PTPN9: variants seen among roughly 807,000 people sequenced by gnomAD.
The protein encoded by PTPN9 is tyrosine-protein phosphatase non-receptor type 9.
A neutral mutation model predicts 69.8 loss-of-function variants in PTPN9; 26 were observed. That is an observed-to-expected ratio of 0.37 (90% CI 0.27 to 0.52). The LOEUF is 0.52. Ranked by LOEUF, PTPN9 falls within the 20% of genes least tolerant of loss-of-function variation. The pLI is 0.91. For missense variants in PTPN9, 549 were observed against 740.3 expected (o/e 0.74, Z 3.00); for synonymous variants, 274 against 272.5 (o/e 1.01, Z -0.05).
intron 1 of PTPN9, among the ~76,000 whole-genome samples, chr15:75,575,535 C>A (rs1304493261): frequency 6.6e-6 from 1 of 152,148 alleles, no homozygotes; most frequent in Non-Finnish European, 1.5e-5. Context: ...GGCAGCATTA[C>A]GGAGTGAATG....
intron 7 of PTPN9, among the ~76,000 whole-genome samples, chr15:75,497,802 C>CA (rs879944894): frequency 0.029 from 2,083 of 72,126 alleles, 25 homozygotes; most frequent in African/African-American, 0.063. Flanking sequence ...AACTCTGTCT[C>CA]AAAAAAAAAA....
chr15:75,492,146 T>C (rs1350233039), intron 7 of PTPN9, among the ~76,000 whole-genome samples: 1 of 152,190 alleles, frequency 6.6e-6, no homozygotes, highest in Non-Finnish European at 1.5e-5. Flanking sequence ...GTGCTGGGAT[T>C]ATAGGTGTGA....
intron 1 of PTPN9, among the ~76,000 whole-genome samples, chr15:75,571,363 A>G (rs1489102487): frequency 6.6e-6 from 1 of 152,224 alleles, no homozygotes; most frequent in Non-Finnish European, 1.5e-5. Context: ...GCATCTCCTT[A>G]TTAATCCTCA....
Position 75,470,800 on chromosome 15 carries a change from G to A in PTPN9, c.1239C>T (p.Gly413=). The change falls in exon 11 of 13, where the codon GGC becomes GGT. Residue 413 remains glycine (G), a synonymous_variant. Transcript: ENST00000618819. ...RFEEGGRRKC[G]QYWPLEKDSR... is the part of the protein sequence containing the mutation. ...AGTCTTTTTCTAAAGGCCAGTACTG[G>A]CCACACTTTCTCCTGCCGCCTTCCT... The A allele has an allele frequency of 6.2e-7, 1 of 1,614,144 alleles. No homozygotes were observed. Among genetic ancestry groups the A allele is most frequent in the Non-Finnish European group, 8.5e-7 (1 of 1,180,014 alleles).
chr15:75,565,282 A>G (rs184030060), intron 1 of PTPN9, among the ~76,000 whole-genome samples: 404 of 152,244 alleles, frequency 2.7e-3, no homozygotes, highest in African/African-American at 9.3e-3. Context: ...CAGTATGAGA[A>G]GTCAATTGCT....
intron 1 of PTPN9, among the ~76,000 whole-genome samples, chr15:75,577,813 C>T (rs1204629548): frequency 6.6e-6 from 1 of 151,992 alleles, no homozygotes; most frequent in African/African-American, 2.4e-5. Flanking sequence ...TGACTATAAT[C>T]GAGCATAGCT....
At chr15:75,551,896 G>A (rs1251132479) in intron 1 of PTPN9, among the ~76,000 whole-genome samples, 1 of 151,484 alleles carries the variant, frequency 6.6e-6, no homozygotes, top group Non-Finnish European at 1.5e-5. Context: ...AAATTAGCTG[G>A]GCATGGTGGT....
chr15:75,562,119 C>T (rs779983123), intron 1 of PTPN9, among the ~76,000 whole-genome samples: 4 of 152,154 alleles, frequency 2.6e-5, no homozygotes, highest in Non-Finnish European at 4.4e-5. Flanking sequence ...TCCCACAGTA[C>T]TGGGATTACA....
At chr15:75,495,032 A>G (rs908395515) in intron 7 of PTPN9, among the ~76,000 whole-genome samples, 1 of 152,146 alleles carries the variant, frequency 6.6e-6, no homozygotes, top group Non-Finnish European at 1.5e-5. Flanking sequence ...TTAAATAAAT[A>G]AATAAATAAT....
intron 5 of PTPN9, chr15:75,513,009 C>T: frequency 2.5e-6 from 1 of 397,994 alleles, no homozygotes; most frequent in South Asian, 2.0e-5. Flanking sequence ...TCTGTTAATC[C>T]CTTGAGGAAA....
chr15:75,572,370 T>C (rs973441972), intron 1 of PTPN9, among the ~76,000 whole-genome samples: 5 of 151,976 alleles, frequency 3.3e-5, no homozygotes, highest in Non-Finnish European at 4.4e-5. Flanking sequence ...TTAATACTTA[T>C]ATGTAGAAAT....
intron 7 of PTPN9, among the ~76,000 whole-genome samples, chr15:75,502,469 G>A (rs1465373955): frequency 6.6e-6 from 1 of 151,916 alleles, no homozygotes; most frequent in African/African-American, 2.4e-5. Flanking sequence ...AAAAAGAGAG[G>A]GAGGGAGGAA....
intron 7 of PTPN9, among the ~76,000 whole-genome samples, chr15:75,504,761 C>T (rs1441074132): frequency 1.4e-5 from 2 of 147,026 alleles, no homozygotes; most frequent in African/African-American, 2.5e-5. Flanking sequence ...AGTGAGGAGC[C>T]CCTCTGCCCG....
intron 1 of PTPN9, among the ~76,000 whole-genome samples, chr15:75,568,430 C>T (rs1337231304): frequency 1.3e-5 from 2 of 151,056 alleles, no homozygotes; most frequent in African/African-American, 4.9e-5. Context: ...ATTCCTTGGG[C>T]CAGGGAGGTC....
chr15:75,569,915 G>A (rs779170806), intron 1 of PTPN9, among the ~76,000 whole-genome samples: 8 of 151,776 alleles, frequency 5.3e-5, no homozygotes, highest in Admixed American at 5.3e-4. Context: ...CCTGCCTCCC[G>A]GTTCAAGCAA....
chr15:75,560,407 A>G (rs926890385), intron 1 of PTPN9, among the ~76,000 whole-genome samples: 1 of 152,200 alleles, frequency 6.6e-6, no homozygotes, highest in Non-Finnish European at 1.5e-5. Context: ...TTTTCAAGGC[A>G]TGGAAGAGCT....
chr15:75,485,319 G>A (rs539411595), intron 8 of PTPN9, among the ~76,000 whole-genome samples: 4 of 149,082 alleles, frequency 2.7e-5, no homozygotes, highest in African/African-American at 9.9e-5. Flanking sequence ...ACATAAGGAG[G>A]AACTAACTTC....
At chr15:75,496,251 C>A in intron 7 of PTPN9, among the ~76,000 whole-genome samples, 1 of 146,646 alleles carries the variant, frequency 6.8e-6, no homozygotes, top group African/African-American at 2.5e-5. Flanking sequence ...GCCTGGCCAA[C>A]ATGGTGAAAT....
At chr15:75,531,007 G>A (rs1339710366) in intron 1 of PTPN9, among the ~76,000 whole-genome samples, 5 of 141,874 alleles carry the variant, frequency 3.5e-5, no homozygotes, top group Non-Finnish European at 6.0e-5. Context: ...GACCTACTTC[G>A]GAGTCTTGGC....
Sources: gnomAD v4.1 joint callset for allele counts (sites outside exome capture counted in the v4.1 genomes callset) on GRCh38, gnomAD v4.1.1 for gene constraint, MANE v1.5 for transcripts, NCBI Gene and HGNC (gene_info 2026-07-23, HGNC 2026-07-21) for gene names.